DLG2: variants seen among roughly 807,000 people sequenced by gnomAD.
The protein encoded by DLG2 is disks large homolog 2.
DLG2 carries 45 observed loss-of-function variants against 132.5 expected under a neutral mutation model. The ratio of observed to expected loss-of-function variants is 0.34; its 90% CI spans 0.27 to 0.44. The LOEUF (loss-of-function observed/expected upper bound fraction) is 0.44. Among genes scored for constraint, DLG2 ranks in the 20% least tolerant of loss-of-function variants. DLG2 has a pLI of 1.00. For synonymous variants in DLG2, 424 were observed against 419.6 expected (o/e 1.01, Z -0.13); for missense variants, 1,045 against 1,196.9 (o/e 0.87, Z 1.87).
intron 3 of DLG2, among the ~76,000 whole-genome samples, chr11:85,293,717 G>A (rs1373824686): frequency 6.6e-6 from 1 of 152,154 alleles, no homozygotes; most frequent in African/African-American, 2.4e-5. Context: ...ATCTTGGACT[G>A]AGGAAATACA....
At chr11:84,493,052 T>C (rs988274645) in intron 7 of DLG2, among the ~76,000 whole-genome samples, 1 of 151,828 alleles carries the variant, frequency 6.6e-6, no homozygotes, top group Admixed American at 6.6e-5. Flanking sequence ...GTGGACAATA[T>C]GAGATAAGAT....
intron 7 of DLG2, among the ~76,000 whole-genome samples, chr11:84,454,486 C>T (rs1057124790): frequency 6.6e-6 from 1 of 151,324 alleles, no homozygotes; most frequent in African/African-American, 2.4e-5. Flanking sequence ...CAAGTCCACT[C>T]CAAAGCATTT....
chr11:83,790,629 A>C, intron 17 of DLG2: 1 of 1,280,186 alleles, frequency 7.8e-7, no homozygotes, highest in Non-Finnish European at 1.1e-6. Context: ...ATTATTTTGC[A>C]TTGGAGGTAG....
At chr11:83,915,068 T>C (rs991624781) in intron 15 of DLG2, among the ~76,000 whole-genome samples, 2 of 152,094 alleles carry the variant, frequency 1.3e-5, no homozygotes, top group African/African-American at 4.8e-5. Flanking sequence ...ACAGTGAGCC[T>C]GGAAACAGGA....
chr11:83,467,810 T>TATATATATATACACAC (rs1414160515), intron 25 of DLG2, among the ~76,000 whole-genome samples: 5 of 96,308 alleles, frequency 5.2e-5, no homozygotes, highest in Non-Finnish European at 1.0e-4. Context: ...TATATATATA[T>TATATATATATACACAC]ACACACACAC....
intron 15 of DLG2, among the ~76,000 whole-genome samples, chr11:83,882,757 T>C (rs1013128435): frequency 1.3e-5 from 2 of 152,190 alleles, no homozygotes; most frequent in Non-Finnish European, 2.9e-5. Context: ...CAATAACTGG[T>C]TCTGGATGTG....
intron 4 of DLG2, among the ~76,000 whole-genome samples, chr11:85,196,547 T>C (rs1426173540): frequency 6.6e-6 from 1 of 152,188 alleles, no homozygotes; most frequent in African/African-American, 2.4e-5. Context: ...GTTATCAACA[T>C]GATGTCAAAA....
Position 83,937,229 on chromosome 11 carries a change from C to T in DLG2, c.1341-6746G>A, listed in dbSNP as rs929125420. Reference sequence around the variant, plus strand: ...GACTACATAAAAATTTGAAACCAGCCGGGCGCGGTGGCTCATGCCTGTAAT... The same window carrying T: ...GACTACATAAAAATTTGAAACCAGCTGGGCGCGGTGGCTCATGCCTGTAAT... On this transcript the variant is annotated intron_variant, in intron 14 of 27. Coordinates refer to ENST00000376104, the MANE Select transcript of DLG2 (RefSeq NM_001142699.3). 7.9e-5 allele frequency among the ~76,000 whole-genome samples: 12 copies of T among 152,124 alleles called. No individual in the cohort carries two copies. In the East Asian group the frequency reaches 1.5e-3, roughly 20 times the overall value.
At chr11:83,548,846 C>T (rs983055651) in intron 19 of DLG2, among the ~76,000 whole-genome samples, 5 of 152,118 alleles carry the variant, frequency 3.3e-5, no homozygotes, top group Non-Finnish European at 5.9e-5. Flanking sequence ...TGCTCTTTTA[C>T]CTCTCTGGGA....
intron 6 of DLG2, among the ~76,000 whole-genome samples, chr11:85,046,681 C>A (rs532271860): frequency 5.9e-4 from 90 of 151,794 alleles, no homozygotes; most frequent in African/African-American, 2.1e-3. Context: ...CACAGAAGGC[C>A]AAAAATGACC....
intron 6 of DLG2, among the ~76,000 whole-genome samples, chr11:84,903,840 A>G (rs2091202913): frequency 6.6e-6 from 1 of 152,172 alleles, no homozygotes; most frequent in Non-Finnish European, 1.5e-5. Context: ...GGCAAGTTAC[A>G]TCCACCTCAG....
At chr11:83,677,518 A>G in intron 18 of DLG2, among the ~76,000 whole-genome samples, 1 of 152,216 alleles carries the variant, frequency 6.6e-6, no homozygotes, top group East Asian at 1.9e-4. Flanking sequence ...CCTGCTTTAT[A>G]GCTAAGGAAA....
rs190824545 is a variant in DLG2 at position 83,607,411 on chromosome 11, G to A, written c.1940+25800C>T. On this transcript the variant is annotated intron_variant, in intron 19 of 27. Coordinates refer to ENST00000376104, the MANE Select transcript of DLG2 (RefSeq NM_001142699.3). ...TGTATTCATGAAATATTGTCTATGG[G>A]CACTATGGTGGGGTCTGTTAGTTGT... Among the ~76,000 whole-genome samples the A allele has an allele frequency of 1.0e-3, 157 of 152,258 alleles. 1 individual carries two copies. The highest frequency in any genetic ancestry group is 0.01 in the Middle Eastern group (3 of 294).
intron 17 of DLG2, among the ~76,000 whole-genome samples, chr11:83,833,403 A>C (rs1342724833): frequency 1.3e-5 from 2 of 152,178 alleles, no homozygotes; most frequent in Admixed American, 1.3e-4. Flanking sequence ...CTGCCACTGC[A>C]CTCCAGCCTG....
At position 84,693,962 on chromosome 11, in the gene DLG2, C is replaced by T. The variant is rs930434336; in HGVS notation, c.358-159231G>A. ...CTCTCTATGGGTTTTTTGTTCATGG[C>T]GCCATGATTAATGCTTTTGTCATAC... is the stretch of plus-strand genomic sequence containing the variant. On this transcript the variant is annotated intron_variant, in intron 6 of 27. Coordinates refer to ENST00000376104, the MANE Select transcript of DLG2 (RefSeq NM_001142699.3). 3.0e-4 allele frequency among the ~76,000 whole-genome samples: 46 copies of T among 151,630 alleles called. 1 individual carries two copies. The highest frequency in any genetic ancestry group is 2.0e-4 in the Admixed American group (3 of 15,194).
intron 10 of DLG2, among the ~76,000 whole-genome samples, chr11:84,086,003 G>T (rs920107648): frequency 2.0e-5 from 3 of 152,134 alleles, no homozygotes; most frequent in African/African-American, 7.2e-5. Flanking sequence ...ATACAATGTT[G>T]ATGTTTTAGC....
At chr11:84,991,540 G>GAAGA (rs949694135) in intron 6 of DLG2, among the ~76,000 whole-genome samples, 1 of 122,748 alleles carries the variant, frequency 8.1e-6, no homozygotes, top group Non-Finnish European at 1.7e-5. Flanking sequence ...AGAAAGAAAG[G>GAAGA]AAGAAAGAAA....
At chr11:84,826,997 T>C (rs2078403858) in intron 6 of DLG2, among the ~76,000 whole-genome samples, 1 of 151,658 alleles carries the variant, frequency 6.6e-6, no homozygotes, top group East Asian at 2.0e-4. Context: ...GATTGAAGAG[T>C]ATTAACAAAA....
intron 8 of DLG2, among the ~76,000 whole-genome samples, chr11:84,222,061 T>G (rs1030512185): frequency 1.3e-5 from 2 of 152,106 alleles, no homozygotes; most frequent in African/African-American, 4.8e-5. Flanking sequence ...AAACAGACTT[T>G]CACTCTTGTT....
Sources: allele counts gnomAD v4.1 joint callset (sites outside exome capture counted in the v4.1 genomes callset), GRCh38; gene constraint gnomAD v4.1.1; transcripts MANE v1.5; gene names NCBI Gene and HGNC (gene_info 2026-07-23, HGNC 2026-07-21).